The following TRIM66 variants were observed in gnomAD, a reference collection of about 807,000 sequenced individuals.
The protein encoded by TRIM66 is tripartite motif containing 66, also known as tripartite motif-containing protein 66.
TRIM66 carries 99 observed loss-of-function variants against 148.2 expected under a neutral mutation model. That is an observed-to-expected ratio of 0.67 (90% CI 0.57 to 0.79). TRIM66 has a LOEUF of 0.79. TRIM66 is among the 30% of genes least tolerant of loss of function. The probability of loss-of-function intolerance (pLI) is 0.00; values close to 1 mark genes in which losing one functional copy is unlikely to be tolerated. For synonymous variants in TRIM66, 616 were observed against 635.9 expected (o/e 0.97, Z 0.47); for missense variants, 1,666 against 1,697.9 (o/e 0.98, Z 0.33).
Position 8,617,659 on chromosome 11 carries a change from G to C in TRIM66, c.*285C>G, listed in dbSNP as rs1294501175. 7.5e-6 allele frequency: 3 copies of C among 398,060 alleles called. No homozygotes were observed. In the East Asian group the frequency reaches 1.2e-4, roughly 15 times the overall value. 24.7% of individuals were successfully genotyped at this position (398,060 alleles called of 1,614,324 possible). On this transcript the variant is annotated 3_prime_UTR_variant, in exon 25 of 25. Transcript: ENST00000646038. ...TTCACCAAGGAAAGTAGGTTTTCCC[G>C]AGCCTAACCAGGTGTGGTCTTGTCA...
chr11:8,683,105 G>C, upstream of TRIM66: 1 of 1,299,182 alleles, frequency 7.7e-7, no homozygotes, highest in South Asian at 1.2e-5. Flanking sequence ...CAGAAGTTAG[G>C]TCTTTGACCC....
chr11:8,643,474 G>A (rs2036580936), intron 12 of TRIM66, among the ~76,000 whole-genome samples: 1 of 151,938 alleles, frequency 6.6e-6, no homozygotes, highest in African/African-American at 2.4e-5. Context: ...TGAGTAGCTA[G>A]GACTACAGGT....
At position 8,617,550 on chromosome 11, in the gene TRIM66, CAGG is replaced by C. The variant is rs901564920; in HGVS notation, c.*391_*393del. The C allele has an allele frequency of 2.1e-5, 4 of 190,232 alleles. No individual in the cohort carries two copies. The highest frequency in any genetic ancestry group is 9.4e-5 in the African/African-American group (4 of 42,766). 11.8% of individuals were successfully genotyped at this position (190,232 alleles called of 1,614,324 possible). On this transcript the variant is annotated 3_prime_UTR_variant, in exon 25 of 25. Coordinates refer to ENST00000646038, the MANE Select transcript of TRIM66 (RefSeq NM_001388022.1). ...CCCTTCTTTTACCCACTTCTGAGCC[CAGG>C]AGGAGTTCAGATGTATACATGGCTC...
At chr11:8,659,923 G>A (rs2038131959) in intron 6 of TRIM66, among the ~76,000 whole-genome samples, 1 of 152,150 alleles carries the variant, frequency 6.6e-6, no homozygotes, top group African/African-American at 2.4e-5. Context: ...TGTCACCCAG[G>A]CTGGAGTGTG....
At chr11:8,658,237 G>A (rs1224361943) in intron 6 of TRIM66, among the ~76,000 whole-genome samples, 3 of 152,172 alleles carry the variant, frequency 2.0e-5, no homozygotes, top group Non-Finnish European at 4.4e-5. Context: ...TTCCCAAACT[G>A]AACAGCAAGA....
intron 22 of TRIM66, among the ~76,000 whole-genome samples, 185 bp downstream of exon 22, chr11:8,619,865 G>A (rs1412677721): frequency 1.3e-5 from 2 of 152,232 alleles, no homozygotes; most frequent in African/African-American, 2.4e-5. Flanking sequence ...CCCAACCTGG[G>A]AACCACCACG....
chr11:8,640,748 T>C lies in TRIM66; in HGVS notation c.1627A>G (p.Thr543Ala). 6.4e-7 allele frequency: 1 copy of C among 1,551,410 alleles called. No homozygotes were observed. The highest frequency in any genetic ancestry group is 1.4e-5 in the African/African-American group (1 of 73,142). ...ETQPPVEQESTSQRLGQQLTS... is the reference protein window; with the variant it reads ...ETQPPVEQESASQRLGQQLTS... ...AGCTGCTGCCCCAGCCGCTGGGATGTGCTCTCCTGCTCCACGGGGGGCTGG... is the reference window on the plus strand; with the variant it reads ...AGCTGCTGCCCCAGCCGCTGGGATGCGCTCTCCTGCTCCACGGGGGGCTGG... The change falls in exon 14 of 25, where the codon ACA becomes GCA. Residue 543 changes from threonine (T) to alanine (A), a missense_variant. By Grantham distance (58) the Thr-to-Ala change is moderately conservative. Transcript: ENST00000646038.
chr11:8,635,293 C>T (rs759935766), intron 15 of TRIM66, among the ~76,000 whole-genome samples: 2 of 152,104 alleles, frequency 1.3e-5, no homozygotes, highest in African/African-American at 4.8e-5. Flanking sequence ...GTGGCTTCCT[C>T]ATAGTATTGC....
chr11:8,635,641 C>T (rs1375621744), intron 15 of TRIM66, among the ~76,000 whole-genome samples: 2 of 152,198 alleles, frequency 1.3e-5, no homozygotes. Context: ...CTATGAAACA[C>T]ATGAAGAATG....
At position 8,671,909 on chromosome 11, in the gene TRIM66, G is replaced by C; in HGVS notation, c.217C>G (p.Gln73Glu). Reference protein sequence around the residue: ...AMVMTCSLCHQDLPGMGSHLL... With the variant: ...AMVMTCSLCHEDLPGMGSHLL... ...TGAGAGCCCATACCTGGCAGGTCCT[G>C]ATGGCACAATGAGCAGGTCATTACC... Residue 73 changes from glutamine (Q) to glutamate (E), a missense_variant, in exon 6 of 25, where the codon CAG becomes GAG. Coordinates refer to ENST00000646038, the MANE Select transcript of TRIM66 (RefSeq NM_001388022.1). 1 of 1,536,148 alleles carries C rather than the reference G, an allele frequency of 6.5e-7. No individual in the cohort carries two copies. Among genetic ancestry groups the C allele is most frequent in the African/African-American group, 1.4e-5 (1 of 73,162 alleles).
At chr11:8,651,931 C>T (rs1266579652) in intron 6 of TRIM66, 28 bp from the exon 7 acceptor site, 2 of 1,529,432 alleles carry the variant, frequency 1.3e-6, no homozygotes, top group Non-Finnish European at 8.9e-7. Context: ...ATAGCAGAGT[C>T]AGGGCAACAT....
rs943247166 is a variant in TRIM66 at position 8,617,971 on chromosome 11, G to A, written c.4152C>T (p.Arg1384=). 4.5e-6 allele frequency: 7 copies of A among 1,551,690 alleles called. No homozygotes were observed. In the Admixed American group the frequency reaches 1.4e-4, roughly 30 times the overall value. Residue 1384 remains arginine, a synonymous_variant, in exon 25 of 25, where the codon CGC becomes CGT. Transcript: ENST00000646038. ...ACACCTGAGAGATGCTGTTGGCCAG[G>A]CGAAATGACATTCTTTTTGCTCTTT... ...ENERAKRMSF[R]LANSISQV
chr11:8,624,519 G>A lies in TRIM66; in HGVS notation c.2859C>T (p.Asp953=), dbSNP rs1373848594. The change falls in exon 17 of 25, where the codon GAC becomes GAT. Residue 953 remains aspartate (D), a synonymous_variant. Transcript: ENST00000646038. Reference sequence around the variant, plus strand: ...GGACTATGGGACCTTGTCCCAGTAAGTCAGTGAAGCGAGTGGAATCCTCAC... The same window carrying A: ...GGACTATGGGACCTTGTCCCAGTAAATCAGTGAAGCGAGTGGAATCCTCAC... ...MESEDSTRFT[D]LLGQGPIVPG... is the part of the protein sequence containing the mutation. 6.5e-7 allele frequency: 1 copy of A among 1,536,850 alleles called. No individual in the cohort carries two copies. Among genetic ancestry groups the A allele is most frequent in the South Asian group, 1.2e-5 (1 of 80,888 alleles).
intron 4 of TRIM66, among the ~76,000 whole-genome samples, chr11:8,673,150 G>A (rs1387022180): frequency 2.0e-5 from 3 of 146,396 alleles, no homozygotes; most frequent in African/African-American, 7.6e-5. Context: ...CCGTGGTCTC[G>A]ATCTCCTGAC....
At chr11:8,676,749 C>T (rs2039197318) in intron 3 of TRIM66, among the ~76,000 whole-genome samples, 1 of 152,182 alleles carries the variant, frequency 6.6e-6, no homozygotes, top group African/African-American at 2.4e-5. Flanking sequence ...TAGTTCTTCC[C>T]TCTCCTTCTT....
At chr11:8,628,790 T>A (rs2035119563) in intron 15 of TRIM66, among the ~76,000 whole-genome samples, 2 of 152,066 alleles carry the variant, frequency 1.3e-5, no homozygotes, top group South Asian at 4.2e-4. Flanking sequence ...TCCTCTCTCA[T>A]GAGCTCCTTC....
Position 8,615,976 on chromosome 11 carries a change from G to GA in TRIM66, c.*1967dup, listed in dbSNP as rs1289539700. ...AAGATGACCTAGAGCAGGAATTAGT[G>GA]ACATGAGAACAGAGGGTACTTTGCC... On this transcript the variant is annotated 3_prime_UTR_variant, in exon 25 of 25. Transcript: ENST00000646038. 1.3e-5 allele frequency: 2 copies of GA among 152,248 alleles called. No homozygotes were observed. Among genetic ancestry groups the GA allele is most frequent in the Non-Finnish European group, 2.9e-5 (2 of 68,090 alleles). 9.4% of individuals were successfully genotyped at this position (152,248 alleles called of 1,614,324 possible). A position where few individuals can be genotyped will look rare whatever the true frequency, so the allele number is the denominator to read the frequency against.
chr11:8,618,788 G>A lies in TRIM66; in HGVS notation c.4081C>T (p.Gln1361Ter). Residue 1361 changes from glutamine to a stop codon, truncating the protein, a stop_gained, in exon 24 of 25, where the codon CAG becomes TAG. Coordinates refer to ENST00000646038, the MANE Select transcript of TRIM66 (RefSeq NM_001388022.1). LOFTEE classifies it high-confidence loss of function. ...CGCCTCTTGGGTTGGATGCCCTCCT[G>A]CATGTAGGGAGGCCACGGGAAGCCC... ...PQGFPWPPYM[Q>*]EGIQPKRRRR... 1.3e-6 allele frequency: 2 copies of A among 1,550,984 alleles called. No individual in the cohort carries two copies. Among genetic ancestry groups the A allele is most frequent in the South Asian group, 2.4e-5 (2 of 84,038 alleles).
At chr11:8,621,411 C>A in intron 19 of TRIM66, 90 bp from the exon 20 acceptor site, 7 of 1,448,938 alleles carry the variant, frequency 4.8e-6, no homozygotes, top group Non-Finnish European at 6.4e-6. Flanking sequence ...CCCTGCATGC[C>A]TACATGAGAG....
Sources: gnomAD v4.1 joint callset for allele counts (sites outside exome capture counted in the v4.1 genomes callset) on GRCh38, gnomAD v4.1.1 for gene constraint, MANE v1.5 for transcripts, NCBI Gene and HGNC (gene_info 2026-07-23, HGNC 2026-07-21) for gene names.